APBB1IP: variants seen among roughly 807,000 people sequenced by gnomAD.
APBB1IP encodes amyloid beta A4 precursor protein-binding family B member 1-interacting protein.
Under a neutral mutation model 64.9 loss-of-function variants are expected in APBB1IP, and 27 were observed. That is an observed-to-expected ratio of 0.42 (90% CI 0.31 to 0.57). The LOEUF (loss-of-function observed/expected upper bound fraction) is 0.57. Ranked by LOEUF, APBB1IP falls within the 20% of genes least tolerant of loss-of-function variation. The pLI, the probability that APBB1IP is intolerant of heterozygous loss-of-function variation, is 0.20. For missense variants in APBB1IP, 812 were observed against 845.5 expected (o/e 0.96, Z 0.49); for synonymous variants, 392 against 331.0 (o/e 1.18, Z -2.00).
intron 11 of APBB1IP, among the ~76,000 whole-genome samples, chr10:26,553,837 G>A (rs1403095044): frequency 6.6e-6 from 1 of 152,140 alleles, no homozygotes; most frequent in African/African-American, 2.4e-5. Context: ...CAGTCCTCAT[G>A]GCATCTTTTG....
intron 6 of APBB1IP, among the ~76,000 whole-genome samples, chr10:26,510,734 T>TCTCTCTCA (rs375916170): frequency 0.017 from 2,278 of 135,936 alleles, 24 homozygotes; most frequent in Non-Finnish European, 0.026. Context: ...AGACCCTGTC[T>TCTCTCTCA]CACACACACA....
At chr10:26,469,258 C>CTTTTCT (rs1835686310) in intron 2 of APBB1IP, among the ~76,000 whole-genome samples, 1 of 112,946 alleles carries the variant, frequency 8.9e-6, no homozygotes, top group African/African-American at 3.6e-5. Flanking sequence ...CTTTTCTTTT[C>CTTTTCT]TTTTTTTTTT....
At chr10:26,513,724 G>A (rs938992990) in intron 8 of APBB1IP, 64 bp downstream of exon 8, 42 of 1,493,368 alleles carry the variant, frequency 2.8e-5, no homozygotes, top group South Asian at 9.4e-5. Context: ...TTTTTGAGAC[G>A]GAGTCTCAAA....
At chr10:26,524,384 T>G (rs787060) in intron 8 of APBB1IP, among the ~76,000 whole-genome samples, 94,866 of 151,742 alleles carry the variant, frequency 0.63, 30,152 homozygotes, top group Admixed American at 0.72. Context: ...ATTACCCACT[T>G]CTTTCATCAG....
intron 8 of APBB1IP, among the ~76,000 whole-genome samples, chr10:26,523,037 GA>G (rs1490993849): frequency 7.0e-4 from 87 of 123,566 alleles, no homozygotes; most frequent in Non-Finnish European, 9.4e-4. Flanking sequence ...AAAAAACCAA[GA>G]AAAAAACAAT....
intron 2 of APBB1IP, among the ~76,000 whole-genome samples, chr10:26,491,489 TCA>T (rs1011453379): frequency 3.9e-5 from 6 of 152,180 alleles, no homozygotes; most frequent in African/African-American, 1.2e-4. Flanking sequence ...CAGTTGCAAC[TCA>T]CAGTGCGTCC....
At chr10:26,561,064 C>CTTTTTTTTTTTTTTTTTTTTT (rs764573338) in intron 13 of APBB1IP, among the ~76,000 whole-genome samples, 59 of 69,224 alleles carry the variant, frequency 8.5e-4, no homozygotes, top group East Asian at 2.3e-3. Flanking sequence ...TTCTTTCTTT[C>CTTTTTTTTTTTTTTTTTTTTT]TTTTTTTTTT....
intron 8 of APBB1IP, among the ~76,000 whole-genome samples, chr10:26,532,252 C>A (rs1836563871): frequency 6.6e-6 from 1 of 152,112 alleles, no homozygotes; most frequent in African/African-American, 2.4e-5. Context: ...TACATAAAAT[C>A]CTCAGCACTC....
At chr10:26,544,081 T>G (rs1311325364) in intron 11 of APBB1IP, among the ~76,000 whole-genome samples, 5 of 152,202 alleles carry the variant, frequency 3.3e-5, no homozygotes, top group Non-Finnish European at 5.9e-5. Flanking sequence ...ACTCAGGCAG[T>G]GCGGCTCAGA....
rs900211197 is a variant in APBB1IP at position 26,438,736 on chromosome 10, C to T, written c.-118C>T. ...CGTGGGAAGGGCAGGGCTGACAGCA[C>T]TTCCTCCCCGGGGCAGCGACCTGGA... On this transcript the variant is annotated 5_prime_UTR_variant, in exon 2 of 15. Coordinates refer to ENST00000376236, the MANE Select transcript of APBB1IP (RefSeq NM_019043.4). 3 of 152,352 alleles carry T rather than the reference C, an allele frequency of 2.0e-5. No individual in the cohort carries two copies. The highest frequency in any genetic ancestry group is 1.9e-4 in the East Asian group (1 of 5,160). 9.4% of individuals were successfully genotyped at this position (152,352 alleles called of 1,614,324 possible).
At chr10:26,505,465 C>G (rs1836163123) in intron 6 of APBB1IP, among the ~76,000 whole-genome samples, 1 of 152,172 alleles carries the variant, frequency 6.6e-6, no homozygotes, top group Non-Finnish European at 1.5e-5. Flanking sequence ...CTGCTCAGTC[C>G]TGGGTGCCCA....
At chr10:26,549,944 T>G (rs1836810116) in intron 11 of APBB1IP, among the ~76,000 whole-genome samples, 1 of 152,074 alleles carries the variant, frequency 6.6e-6, no homozygotes, top group Admixed American at 6.5e-5. Flanking sequence ...ATTAGATTGT[T>G]TATTTGAGAG....
rs368126712 is a variant in APBB1IP, at chr10:26,460,977, A to AT, written c.-1+22125dup. ...TGCTAATTTCCACCTCCTAGGTCTCATGTCAATGTGTCTGCTTGACTAATC... is the reference window on the plus strand; with the variant it reads ...TGCTAATTTCCACCTCCTAGGTCTCATTGTCAATGTGTCTGCTTGACTAATC... On this transcript the variant is annotated intron_variant, in intron 2 of 14. Transcript: ENST00000376236. 2.1e-3 allele frequency among the ~76,000 whole-genome samples: 314 copies of AT among 152,260 alleles called. 1 individual carries two copies. The highest frequency in any genetic ancestry group is 6.9e-3 in the African/African-American group (287 of 41,568).
At chr10:26,511,707 T>A (rs367617767) in intron 6 of APBB1IP, 40 bp from the exon 7 acceptor site, 1 of 1,606,092 alleles carries the variant, frequency 6.2e-7, no homozygotes, top group African/African-American at 1.3e-5. Context: ...CCTTCTCCAG[T>A]TGCTGAAATT....
intron 12 of APBB1IP, 118 bp from the exon 13 acceptor site, chr10:26,560,612 A>T (rs1291980361): frequency 2.5e-5 from 16 of 650,370 alleles, no homozygotes; most frequent in Admixed American, 1.6e-4. Flanking sequence ...CAACTCAGAC[A>T]AGTGGTGAAC....
chr10:26,484,845 A>C lies in APBB1IP; in HGVS notation c.1-7482A>C, dbSNP rs116964989. Among the ~76,000 whole-genome samples, 943 of 152,346 alleles carry C rather than the reference A, an allele frequency of 6.2e-3. 1 individual carries two copies. Among genetic ancestry groups the C allele is most frequent in the Non-Finnish European group, 9.5e-3 (646 of 68,036 alleles). On this transcript the variant is annotated intron_variant, in intron 2 of 14. Coordinates refer to ENST00000376236, the MANE Select transcript of APBB1IP (RefSeq NM_019043.4). ...CATTATTGTTATAACAAAGGGGTAC[A>C]CATGAAATTAGTTATATGATGTGAA...
At chr10:26,530,324 A>T (rs771557080) in intron 8 of APBB1IP, among the ~76,000 whole-genome samples, 27 of 149,388 alleles carry the variant, frequency 1.8e-4, no homozygotes, top group Non-Finnish European at 2.8e-4. Flanking sequence ...CAGCCTCTGG[A>T]GTAGCTGGGA....
intron 8 of APBB1IP, among the ~76,000 whole-genome samples, chr10:26,532,933 A>G (rs917642332): frequency 6.6e-6 from 1 of 152,220 alleles, no homozygotes; most frequent in Non-Finnish European, 1.5e-5. Context: ...TTTAAAAAAT[A>G]AAAGAGGCCG....
chr10:26,512,676 G>A lies in APBB1IP; in HGVS notation c.691+770G>A, dbSNP rs140379993. Among the ~76,000 whole-genome samples, 47 of 152,172 alleles carry A rather than the reference G, an allele frequency of 3.1e-4. No individual in the cohort carries two copies. The East Asian group carries it at 7.1e-3, about 23-fold the overall frequency. ...AGCTACAGTGCAATGGCGCAATCACGGGTCACTGCAGCCTCGAGCTCCTGG... is the reference window on the plus strand; with the variant it reads ...AGCTACAGTGCAATGGCGCAATCACAGGTCACTGCAGCCTCGAGCTCCTGG... On this transcript the variant is annotated intron_variant, in intron 7 of 14. Coordinates refer to ENST00000376236, the MANE Select transcript of APBB1IP (RefSeq NM_019043.4).
Sources: gnomAD v4.1 joint callset for allele counts (sites outside exome capture counted in the v4.1 genomes callset) on GRCh38, gnomAD v4.1.1 for gene constraint, MANE v1.5 for transcripts, NCBI Gene and HGNC (gene_info 2026-07-23, HGNC 2026-07-21) for gene names.